The following TMEM117 variants were observed in gnomAD, a reference collection of about 807,000 sequenced individuals.
TMEM117 encodes the protein transmembrane protein 117.
In TMEM117, 27 loss-of-function variants were observed where a neutral mutation model predicts 52.4. The observed-to-expected ratio is 0.51, with a 90% CI of 0.38 to 0.71. The LOEUF (loss-of-function observed/expected upper bound fraction) is 0.71. Among genes scored for constraint, TMEM117 ranks in the 30% least tolerant of loss-of-function variants. TMEM117 has a pLI of 0.00. For synonymous variants in TMEM117, 215 were observed against 206.3 expected (o/e 1.04, Z -0.36); for missense variants, 556 against 630.5 (o/e 0.88, Z 1.26).
chr12:44,105,156 AT>A, intron 3 of TMEM117, among the ~76,000 whole-genome samples: 1 of 150,766 alleles, frequency 6.6e-6, no homozygotes, highest in African/African-American at 2.4e-5. Context: ...GTTCTGTTTG[AT>A]TTTTTTTCAG....
chr12:44,051,448 T>C (rs762258824), intron 3 of TMEM117, among the ~76,000 whole-genome samples: 1 of 152,200 alleles, frequency 6.6e-6, no homozygotes, highest in Non-Finnish European at 1.5e-5. Context: ...TAATAAAATA[T>C]ACTTGAAGCC....
chr12:44,034,289 G>A (rs1459268253), intron 3 of TMEM117, among the ~76,000 whole-genome samples: 1 of 152,168 alleles, frequency 6.6e-6, no homozygotes, highest in African/African-American at 2.4e-5. Context: ...GAAATTCACA[G>A]AGGCTAAACT....
At chr12:44,181,671 T>C (rs1293713130) in intron 4 of TMEM117, among the ~76,000 whole-genome samples, 3 of 152,046 alleles carry the variant, frequency 2.0e-5, no homozygotes, top group Middle Eastern at 3.4e-3. Flanking sequence ...TGTAGATATG[T>C]GGCGTTATTT....
In TMEM117 at chr12:44,229,332, T is replaced by C. The variant is rs575319559; in HGVS notation, c.608+17945T>C. On this transcript the variant is annotated intron_variant, in intron 5 of 7. Coordinates refer to ENST00000266534, the MANE Select transcript of TMEM117 (RefSeq NM_032256.3). ...CAGCAATGAAATGTTACATGTTAGA[T>C]TGAGATGCCTATTAAACATCATGTT... 2.2e-4 allele frequency among the ~76,000 whole-genome samples: 34 copies of C among 152,182 alleles called. 1 individual carries two copies. Among genetic ancestry groups the C allele is most frequent in the African/African-American group, 7.7e-4 (32 of 41,538 alleles).
At chr12:44,233,927 T>C (rs1478552677) in intron 5 of TMEM117, among the ~76,000 whole-genome samples, 1 of 151,510 alleles carries the variant, frequency 6.6e-6, no homozygotes, top group Non-Finnish European at 1.5e-5. Context: ...TTTCCTAATA[T>C]TAAAATAACC....
intron 2 of TMEM117, among the ~76,000 whole-genome samples, chr12:43,908,959 A>T (rs1401144129): frequency 1.5e-5 from 2 of 135,752 alleles, no homozygotes; most frequent in Non-Finnish European, 3.2e-5. Context: ...GTCAACAAGG[A>T]TACCCAGGAA....
intron 4 of TMEM117, among the ~76,000 whole-genome samples, chr12:44,171,789 C>T (rs572813097): frequency 1.3e-4 from 20 of 152,088 alleles, no homozygotes; most frequent in East Asian, 3.9e-4. Context: ...GGAGAGGGGA[C>T]GGTAACTTTA....
intron 2 of TMEM117, among the ~76,000 whole-genome samples, chr12:43,925,358 G>A (rs1944762390): frequency 6.6e-6 from 1 of 151,156 alleles, no homozygotes; most frequent in African/African-American, 2.4e-5. Flanking sequence ...TTTATTATAT[G>A]TGCAACCCAA....
At chr12:44,280,440 C>A (rs1306319186) in intron 5 of TMEM117, among the ~76,000 whole-genome samples, 1 of 152,182 alleles carries the variant, frequency 6.6e-6, no homozygotes, top group African/African-American at 2.4e-5. Flanking sequence ...TGTCTTCCTG[C>A]CTGCAGTATC....
the TMEM117 span, chr12:43,804,660 A>C: frequency 2.3e-6 from 2 of 884,300 alleles, no homozygotes; most frequent in Non-Finnish European, 3.5e-6. Context: ...TAGAATACAA[A>C]GAAAAAATCT....
intron 2 of TMEM117, among the ~76,000 whole-genome samples, chr12:43,858,003 A>T (rs942376547): frequency 6.6e-6 from 1 of 152,178 alleles, no homozygotes. Context: ...AGATTTAGGG[A>T]TATGCAGAGG....
At chr12:43,845,820 G>A (rs143317429) in intron 2 of TMEM117, among the ~76,000 whole-genome samples, 1 of 152,126 alleles carries the variant, frequency 6.6e-6, no homozygotes, top group African/African-American at 2.4e-5. Context: ...GTGATAGTTT[G>A]CTCAGAATGA....
chr12:43,937,414 C>G (rs1944969087), intron 2 of TMEM117, among the ~76,000 whole-genome samples: 7 of 152,140 alleles, frequency 4.6e-5, no homozygotes, highest in Admixed American at 4.6e-4. Context: ...TGTTGTGCAA[C>G]TTTTTTCCAC....
intron 4 of TMEM117, among the ~76,000 whole-genome samples, chr12:44,179,770 C>T (rs528543534): frequency 6.6e-5 from 10 of 152,344 alleles, no homozygotes; most frequent in Middle Eastern, 3.4e-3. Context: ...CTAATGTTAA[C>T]CATCACAGTG....
At chr12:43,937,510 A>T (rs1565759082) in intron 2 of TMEM117, among the ~76,000 whole-genome samples, 1 of 152,182 alleles carries the variant, frequency 6.6e-6, no homozygotes, top group Admixed American at 6.5e-5. Flanking sequence ...TATAGGGTAT[A>T]CAGAAATGTA....
rs182078395 is a variant in TMEM117 at position 43,867,181 on chromosome 12, A to G, written c.277+22253A>G. On this transcript the variant is annotated intron_variant, in intron 2 of 7. Transcript: ENST00000266534. ...ATTTTGTAACATGATACTATAAAAT[A>G]TATGACAATAATGACAGATTGGAGG... is the stretch of plus-strand genomic sequence containing the variant. 8.3e-4 allele frequency among the ~76,000 whole-genome samples: 127 copies of G among 152,350 alleles called. 1 individual carries two copies. Among genetic ancestry groups the G allele is most frequent in the Admixed American group, 1.4e-3 (21 of 15,304 alleles).
intron 3 of TMEM117, among the ~76,000 whole-genome samples, chr12:43,958,838 ACT>A (rs1945351478): frequency 6.6e-6 from 1 of 151,580 alleles, no homozygotes; most frequent in African/African-American, 2.4e-5. Context: ...ACAGAGTCTC[ACT>A]CTGTCGCCCT....
chr12:44,048,281 A>T lies in TMEM117; in HGVS notation c.411-95244A>T, dbSNP rs146287263. Among the ~76,000 whole-genome samples, 309 of 152,136 alleles carry T rather than the reference A, an allele frequency of 2.0e-3. 3 individuals are homozygous for T. Among genetic ancestry groups the T allele is most frequent in the African/African-American group, 7.2e-3 (297 of 41,522 alleles). On this transcript the variant is annotated intron_variant, in intron 3 of 7. Coordinates refer to ENST00000266534, the MANE Select transcript of TMEM117 (RefSeq NM_032256.3). The stretch of plus-strand genomic sequence containing the variant: ...TTGCCAAGGGATTATCGATTTTACA[A>T]TCATTTTCAAGATCCAAATTTTAGC...
intron 4 of TMEM117, among the ~76,000 whole-genome samples, chr12:44,151,661 T>C (rs962104209): frequency 2.0e-4 from 30 of 150,794 alleles, no homozygotes; most frequent in Non-Finnish European, 4.0e-4. Context: ...GTCAATGATA[T>C]AATGAAATGA....
Sources: allele counts gnomAD v4.1 joint callset (sites outside exome capture counted in the v4.1 genomes callset), GRCh38; gene constraint gnomAD v4.1.1; transcripts MANE v1.5; gene names NCBI Gene and HGNC (gene_info 2026-07-23, HGNC 2026-07-21).